The following FAM3D variants were observed in gnomAD, a reference collection of about 807,000 sequenced individuals.
The protein encoded by FAM3D is protein FAM3D.
FAM3D carries 26 observed loss-of-function variants against 29.8 expected under a neutral mutation model. The observed-to-expected ratio is 0.87, with a 90% confidence interval of 0.64 to 1.21. The LOEUF is 1.21. FAM3D is among the 50% of genes most tolerant of loss of function. FAM3D has a pLI of 0.00. For missense variants in FAM3D, 253 were observed against 290.9 expected, an observed-to-expected ratio of 0.87 and a Z score of 0.95; for synonymous variants, 115 against 102.3, an observed-to-expected ratio of 1.12 and a Z score of -0.75.
Position 58,640,197 on chromosome 3 carries a change from C to A in FAM3D, c.323-20G>T. On this transcript the variant is annotated intron_variant, in intron 6 of 9. Transcript: ENST00000358781. ...TGGTTCCTAGGGGTTAAGAGGAGAA[C>A]GATTATCCCCTGTAACACGTGTCAT... 6.2e-7 allele frequency: 1 copy of A among 1,613,804 alleles called. No homozygotes were observed. Among genetic ancestry groups the A allele is most frequent in the Non-Finnish European group, 8.5e-7 (1 of 1,179,702 alleles).
chr3:58,639,604 T>C (rs544274357), intron 7 of FAM3D, among the ~76,000 whole-genome samples: 1 of 151,946 alleles, frequency 6.6e-6, no homozygotes, highest in Admixed American at 6.6e-5. Context: ...AGTGGGCCCA[T>C]CCAGGCTCCA....
At position 58,634,048 on chromosome 3, in the gene FAM3D, C is replaced by T. The variant is rs766073466; in HGVS notation, c.*231G>A. 8.0e-6 allele frequency: 4 copies of T among 501,798 alleles called. No individual in the cohort carries two copies. Among genetic ancestry groups the T allele is most frequent in the Non-Finnish European group, 1.4e-5 (4 of 284,592 alleles). The allele number at this position is 501,798 out of a possible 1,614,324, so 31.1% of individuals were successfully genotyped here. A position where few individuals can be genotyped will look rare whatever the true frequency, so the allele number is the denominator to read the frequency against. On this transcript the variant is annotated 3_prime_UTR_variant, in exon 10 of 10. Transcript: ENST00000358781. The surrounding 1 kb of genome is among the most constrained non-coding windows in gnomAD (Gnocchi z 4.6). ...GTCCCTGACGAAAGCACCCCATTCTCTCCACAGACAGCTGGTTCCAGAAGG... is the reference window on the plus strand; with the variant it reads ...GTCCCTGACGAAAGCACCCCATTCTTTCCACAGACAGCTGGTTCCAGAAGG...
At chr3:58,652,798 C>G (rs1392576791) in intron 3 of FAM3D, among the ~76,000 whole-genome samples, 5 of 151,926 alleles carry the variant, frequency 3.3e-5, no homozygotes, top group Non-Finnish European at 5.9e-5. Flanking sequence ...TCCAACCATC[C>G]ATTTATCTAT....
intron 1 of FAM3D, among the ~76,000 whole-genome samples, chr3:58,662,765 G>T (rs1198161908): frequency 6.6e-6 from 1 of 152,176 alleles, no homozygotes; most frequent in African/African-American, 2.4e-5. Context: ...AGTTGGTGGG[G>T]GTTACTCCCT....
intron 5 of FAM3D, among the ~76,000 whole-genome samples, chr3:58,643,989 G>C (rs2066407873): frequency 6.6e-6 from 1 of 152,170 alleles, no homozygotes; most frequent in Admixed American, 6.5e-5. Flanking sequence ...TGGAGGTGGG[G>C]CCAGCCCACC....
intron 3 of FAM3D, 127 bp from the exon 4 acceptor site, chr3:58,649,465 A>G: frequency 8.9e-7 from 1 of 1,122,934 alleles, no homozygotes; most frequent in Admixed American, 2.1e-5. Flanking sequence ...AAATGAACTA[A>G]AAATGCCTTG....
intron 4 of FAM3D, 116 bp from the exon 5 acceptor site, chr3:58,645,742 C>G: frequency 1.1e-6 from 1 of 872,912 alleles, no homozygotes; most frequent in Non-Finnish European, 1.9e-6. Flanking sequence ...CTCAGAGCCT[C>G]TTTCTGGGGG....
chr3:58,639,182 G>A (rs1356443132), intron 7 of FAM3D, among the ~76,000 whole-genome samples: 1 of 152,118 alleles, frequency 6.6e-6, no homozygotes. Flanking sequence ...TCATCTGGAC[G>A]GAATGAGGGA....
In FAM3D at chr3:58,634,159, A is replaced by T; in HGVS notation, c.*120T>A. ...GAGAGGCGCGACACAGCGTGCAAGGACCTGCAGCACCTTCCACGCAGCACC... is the reference window on the plus strand; with the variant it reads ...GAGAGGCGCGACACAGCGTGCAAGGTCCTGCAGCACCTTCCACGCAGCACC... On this transcript the variant is annotated 3_prime_UTR_variant, in exon 10 of 10. Coordinates refer to ENST00000358781, the MANE Select transcript of FAM3D (RefSeq NM_138805.3). This position sits in a 1 kb window ranked among gnomAD's most constrained non-coding sequence, Gnocchi z 4.6. The T allele has an allele frequency of 1.2e-6, 1 of 818,878 alleles. No homozygotes were observed. 50.7% of individuals were successfully genotyped at this position (818,878 alleles called of 1,614,324 possible).
chr3:58,640,854 T>G (rs1335531793), intron 6 of FAM3D, among the ~76,000 whole-genome samples: 1 of 152,088 alleles, frequency 6.6e-6, no homozygotes, highest in African/African-American at 2.4e-5. Context: ...CGGAGGAGGG[T>G]GGGGACCAGG....
At chr3:58,651,076 G>A (rs905983446) in intron 3 of FAM3D, among the ~76,000 whole-genome samples, 5 of 152,120 alleles carry the variant, frequency 3.3e-5, no homozygotes, top group African/African-American at 1.2e-4. Context: ...TCTTAATCTG[G>A]TTTCTGTGCC....
intron 1 of FAM3D, among the ~76,000 whole-genome samples, chr3:58,660,782 C>G (rs1038619656): frequency 7.2e-5 from 11 of 152,146 alleles, no homozygotes; most frequent in African/African-American, 2.2e-4. Context: ...ACAACAAACG[C>G]CACATGCCAG....
rs150875329 is a variant in FAM3D, at chr3:58,636,313, C to A, written c.566G>T (p.Gly189Val). ...WVFIGAKDLRGKSPFEQFLKN... is the reference protein window; with the variant it reads ...WVFIGAKDLRVKSPFEQFLKN... ...ACCCACCTGCTCAAAGGGGCTTTTA[C>A]CCCTGAGGTCTTTGGCTCCTATGAA... The change falls in exon 9 of 10, where the codon GGT (glycine) becomes GTT (valine). Residue 189 changes from glycine (G) to valine (V), a missense_variant. Transcript: ENST00000358781. 1.0e-4 allele frequency: 161 copies of A among 1,614,016 alleles called. No individual in the cohort carries two copies. The highest frequency in any genetic ancestry group is 1.3e-4 in the Non-Finnish European group (153 of 1,180,028).
Position 58,634,831 on chromosome 3 carries a change from C to T in FAM3D, c.586-463G>A, listed in dbSNP as rs887639846. Among the ~76,000 whole-genome samples, 4 of 151,990 alleles carry T rather than the reference C, an allele frequency of 2.6e-5. No individual in the cohort carries two copies. The highest frequency in any genetic ancestry group is 7.3e-5 in the African/African-American group (3 of 41,376). On this transcript the variant is annotated intron_variant, in intron 9 of 9. Transcript: ENST00000358781. The surrounding 1 kb of genome is among the most constrained non-coding windows in gnomAD (Gnocchi z 4.6). ...AGCTGAGGCACAGAGGGTCACTGCCCGTAGTCACTGGCTGGTAAGTGGCAG... is the reference window on the plus strand; with the variant it reads ...AGCTGAGGCACAGAGGGTCACTGCCTGTAGTCACTGGCTGGTAAGTGGCAG...
At chr3:58,656,392 C>T (rs553059782) in intron 1 of FAM3D, among the ~76,000 whole-genome samples, 1 of 152,318 alleles carries the variant, frequency 6.6e-6, no homozygotes, top group Admixed American at 6.5e-5. Flanking sequence ...TGAAACCCCT[C>T]TTCATCTGTC....
chr3:58,640,200 T>C, intron 6 of FAM3D, 23 bp from the exon 7 acceptor site: 1 of 1,613,764 alleles, frequency 6.2e-7, no homozygotes, highest in Non-Finnish European at 8.5e-7. Context: ...AGGAGAACGA[T>C]TATCCCCTGT....
chr3:58,645,490 T>G lies in FAM3D; in HGVS notation c.263+19A>C. On this transcript the variant is annotated intron_variant, in intron 5 of 9. Transcript: ENST00000358781. Reference sequence around the variant, plus strand: ...ATAAAATAAAATAAAATAAACATAGTTGTGTCTTAGGTACTTACATGCGGT... The same window carrying G: ...ATAAAATAAAATAAAATAAACATAGGTGTGTCTTAGGTACTTACATGCGGT... The G allele has an allele frequency of 1.6e-6, 2 of 1,241,610 alleles. No homozygotes were observed. Among genetic ancestry groups the G allele is most frequent in the Non-Finnish European group, 2.3e-6 (2 of 873,032 alleles). 76.9% of individuals were successfully genotyped at this position (1,241,610 alleles called of 1,614,324 possible).
intron 6 of FAM3D, among the ~76,000 whole-genome samples, chr3:58,643,012 C>T (rs556762961): frequency 1.3e-5 from 2 of 152,344 alleles, no homozygotes; most frequent in South Asian, 4.1e-4. Flanking sequence ...CTGGCCAGCG[C>T]CCACAATCCT....
chr3:58,636,920 G>T (rs1166892106), intron 8 of FAM3D, among the ~76,000 whole-genome samples: 2 of 152,164 alleles, frequency 1.3e-5, no homozygotes, highest in Non-Finnish European at 2.9e-5. Flanking sequence ...TAGCCAGTCA[G>T]CTGTTATTAT....
Sources: allele counts gnomAD v4.1 joint callset (sites outside exome capture counted in the v4.1 genomes callset), GRCh38; gene constraint gnomAD v4.1.1; non-coding constraint Gnocchi (gnomAD v3.1); transcripts MANE v1.5; gene names NCBI Gene and HGNC (gene_info 2026-07-23, HGNC 2026-07-21).